Variants in SLC1A3 observed in about 807,000 individuals in gnomAD.
SLC1A3 encodes the protein solute carrier family 1 member 3, also known as excitatory amino acid transporter 1.
Under a neutral mutation model 48.1 loss-of-function variants are expected in SLC1A3, and 21 were observed. That is an observed-to-expected ratio of 0.44 (90% confidence interval 0.31 to 0.63). The LOEUF (loss-of-function observed/expected upper bound fraction) is 0.63, where lower values mean the gene tolerates loss of function less well. Among genes scored for constraint, SLC1A3 ranks in the 20% least tolerant of loss-of-function variants. The pLI is 0.08. For synonymous variants in SLC1A3, 239 were observed against 251.4 expected (o/e 0.95, Z 0.47); for missense variants, 546 against 689.0 (o/e 0.79, Z 2.32).
intron 2 of SLC1A3, among the ~76,000 whole-genome samples, chr5:36,622,339 G>C (rs1739709467): frequency 6.6e-6 from 1 of 152,126 alleles, no homozygotes; most frequent in African/African-American, 2.4e-5. Context: ...TGGAAGATTT[G>C]GCGTAGTAAT....
At chr5:36,657,064 T>C (rs956415444) in intron 3 of SLC1A3, among the ~76,000 whole-genome samples, 3 of 152,232 alleles carry the variant, frequency 2.0e-5, no homozygotes, top group African/African-American at 4.8e-5. Context: ...TCTGTTTGTA[T>C]TGATCCTTGA....
chr5:36,661,236 AC>A (rs1741499982), intron 3 of SLC1A3, among the ~76,000 whole-genome samples: 1 of 152,044 alleles, frequency 6.6e-6, no homozygotes, highest in Admixed American at 6.6e-5. Flanking sequence ...ACGTGGCGAA[AC>A]CCCGTCTCTA....
chr5:36,611,437 TC>T (rs1739193767), intron 2 of SLC1A3, among the ~76,000 whole-genome samples: 1 of 151,572 alleles, frequency 6.6e-6, no homozygotes, highest in South Asian at 2.1e-4. Context: ...GACATGTGAA[TC>T]CATATATTCA....
At chr5:36,615,777 C>A (rs781219474) in intron 2 of SLC1A3, among the ~76,000 whole-genome samples, 1 of 152,224 alleles carries the variant, frequency 6.6e-6, no homozygotes, top group Non-Finnish European at 1.5e-5. Context: ...TTATGGAACA[C>A]TAGGATACTA....
chr5:36,686,275 C>G lies in SLC1A3; in HGVS notation c.*6C>G. ...ACAGTGAAACCAAGATGTAGACTAA[C>G]ATAAAGAAACACTTTCTTGAGCACC... On this transcript the variant is annotated 3_prime_UTR_variant, in exon 10 of 10. Coordinates refer to ENST00000265113, the MANE Select transcript of SLC1A3 (RefSeq NM_004172.5). 15 of 1,595,010 alleles carry G rather than the reference C, an allele frequency of 9.4e-6. No homozygotes were observed. Among genetic ancestry groups the G allele is most frequent in the Non-Finnish European group, 1.3e-5 (15 of 1,162,552 alleles).
chr5:36,670,091 TA>T (rs1741925306), intron 3 of SLC1A3: 1 of 152,094 alleles, frequency 6.6e-6, no homozygotes, highest in Non-Finnish European at 1.5e-5. Flanking sequence ...TTAATATAGA[TA>T]ATTTAATCTT....
chr5:36,648,889 A>C (rs1024368090), intron 3 of SLC1A3, among the ~76,000 whole-genome samples: 1 of 152,202 alleles, frequency 6.6e-6, no homozygotes, highest in African/African-American at 2.4e-5. Flanking sequence ...AAGCAAAAAA[A>C]TTTCCCAAGA....
intron 2 of SLC1A3, among the ~76,000 whole-genome samples, chr5:36,617,635 CT>C (rs1235377660): frequency 6.6e-6 from 1 of 151,830 alleles, no homozygotes; most frequent in Non-Finnish European, 1.5e-5. Context: ...TTTTTTGACT[CT>C]TTGTATACAA....
chr5:36,600,400 C>A (rs1437736502), intron 1 of SLC1A3, among the ~76,000 whole-genome samples: 1 of 152,202 alleles, frequency 6.6e-6, no homozygotes, highest in East Asian at 1.9e-4. Flanking sequence ...TTGCACCACT[C>A]AGGTCTCCTG....
At chr5:36,659,354 C>T (rs1009047529) in intron 3 of SLC1A3, among the ~76,000 whole-genome samples, 1 of 152,150 alleles carries the variant, frequency 6.6e-6, no homozygotes, top group African/African-American at 2.4e-5. Flanking sequence ...GCAGTAGGCT[C>T]TAATTTGACT....
At chr5:36,609,210 A>C in intron 2 of SLC1A3, 1 of 975,280 alleles carries the variant, frequency 1.0e-6, no homozygotes, top group Non-Finnish European at 1.2e-6. Context: ...CTTTTTTTGA[A>C]TCATTTCCAT....
Position 36,687,533 on chromosome 5 carries a change from TGAGCTCTCTAATAGAAGTCC to T in SLC1A3, c.*1265_*1284del. Reference sequence around the variant, plus strand: ...ATATATTTGAAAGAAGTCAAATGAATGAGCTCTCTAATAGAAGTCCATGAGTTGAGTGGGTATTTCTTATT... The same window carrying T: ...ATATATTTGAAAGAAGTCAAATGAATATGAGTTGAGTGGGTATTTCTTATT... On this transcript the variant is annotated 3_prime_UTR_variant, in exon 10 of 10. Transcript: ENST00000265113. 6.6e-6 allele frequency: 1 copy of T among 152,206 alleles called. No individual in the cohort carries two copies. Among genetic ancestry groups the T allele is most frequent in the Non-Finnish European group, 1.5e-5 (1 of 68,026 alleles). The allele number at this position is 152,206 out of a possible 1,614,324, so 9.4% of individuals were successfully genotyped here.
intron 1 of SLC1A3, among the ~76,000 whole-genome samples, chr5:36,599,280 C>G (rs1048172415): frequency 2.6e-5 from 4 of 152,128 alleles, no homozygotes; most frequent in African/African-American, 9.7e-5. Context: ...CTGGGAGTGC[C>G]AACTCTAGAC....
At chr5:36,678,751 T>A (rs1742313619) in intron 6 of SLC1A3, among the ~76,000 whole-genome samples, 1 of 152,162 alleles carries the variant, frequency 6.6e-6, no homozygotes, top group Non-Finnish European at 1.5e-5. Flanking sequence ...CATGTAGAAA[T>A]CATTTTGAGT....
At chr5:36,612,116 G>A (rs1739228669) in intron 2 of SLC1A3, among the ~76,000 whole-genome samples, 1 of 151,894 alleles carries the variant, frequency 6.6e-6, no homozygotes, top group African/African-American at 2.4e-5. Flanking sequence ...TTGCATTTGA[G>A]TTCTCCTTTT....
chr5:36,599,728 G>A (rs975383084), intron 1 of SLC1A3, among the ~76,000 whole-genome samples: 2 of 151,682 alleles, frequency 1.3e-5, no homozygotes, highest in Non-Finnish European at 2.9e-5. Flanking sequence ...GGCTGGTCTC[G>A]TACTCCTGAC....
chr5:36,607,040 T>TA (rs5867331), intron 1 of SLC1A3: 36,581 of 149,660 alleles, frequency 0.24, 5,539 homozygotes, highest in Non-Finnish European at 0.35. Context: ...GCTATTAGTT[T>TA]AAAAAAAAAA....
chr5:36,597,099 A>G (rs1005847628), intron 1 of SLC1A3, among the ~76,000 whole-genome samples: 4 of 152,018 alleles, frequency 2.6e-5, no homozygotes, highest in African/African-American at 9.7e-5. Flanking sequence ...GAAGGTCTTC[A>G]GGCTGATTTT....
At chr5:36,615,772 G>C (rs755119432) in intron 2 of SLC1A3, among the ~76,000 whole-genome samples, 3 of 152,218 alleles carry the variant, frequency 2.0e-5, no homozygotes, top group Admixed American at 6.5e-5. Context: ...GATATTTATG[G>C]AACACTAGGA....
Sources: allele counts gnomAD v4.1 joint callset (sites outside exome capture counted in the v4.1 genomes callset), GRCh38; gene constraint gnomAD v4.1.1; transcripts MANE v1.5; gene names NCBI Gene and HGNC (gene_info 2026-07-23, HGNC 2026-07-21).